The following CSMD1 variants were observed in gnomAD, a reference collection of about 807,000 sequenced individuals.
CSMD1 encodes the protein CUB and Sushi multiple domains 1, also known as CUB and sushi domain-containing protein 1.
A neutral mutation model predicts 417.5 loss-of-function variants in CSMD1; 213 were observed. The observed-to-expected ratio is 0.51, with a 90% confidence interval of 0.46 to 0.57. CSMD1 has a LOEUF of 0.57. Among genes scored for constraint, CSMD1 ranks in the 20% least tolerant of loss-of-function variants. The pLI, the probability that CSMD1 is intolerant of heterozygous loss-of-function variation, is 0.00. For missense variants in CSMD1, 6,923 were observed against 4,529.7 expected, an observed-to-expected ratio of 1.53 and a Z score of -15.17; for synonymous variants, 2,862 against 1,736.8, an observed-to-expected ratio of 1.65 and a Z score of -16.11.
intron 54 of CSMD1, 85 bp downstream of exon 54, chr8:2,997,926 T>G: frequency 7.5e-7 from 1 of 1,329,940 alleles, no homozygotes; most frequent in South Asian, 1.4e-5. Context: ...TACCCTTGAT[T>G]CATGGAGACA....
intron 3 of CSMD1, among the ~76,000 whole-genome samples, chr8:4,301,061 A>G (rs1298770366): frequency 6.6e-6 from 1 of 152,200 alleles, no homozygotes; most frequent in Non-Finnish European, 1.5e-5. Flanking sequence ...AAGGAGCCAA[A>G]TCAGGACTGT....
chr8:4,550,013 G>A (rs973503752), intron 2 of CSMD1, among the ~76,000 whole-genome samples: 2 of 150,966 alleles, frequency 1.3e-5, no homozygotes, highest in Non-Finnish European at 2.9e-5. Flanking sequence ...TCAAGGACAA[G>A]AGTGGAGGAG....
Position 4,710,560 on chromosome 8 carries a change from T to C in CSMD1, c.86-73002A>G, listed in dbSNP as rs367771175. 7.5e-4 allele frequency among the ~76,000 whole-genome samples: 113 copies of C among 150,374 alleles called. 2 individuals are homozygous for C. The South Asian group carries it at 0.023, about 30-fold the overall frequency. ...GGGGGTGGTTATTTAAAAAGAAAAA[T>C]GGCTTCTGGGTGCGGTGGCTCACGC... On this transcript the variant is annotated intron_variant, in intron 1 of 69. Coordinates refer to ENST00000635120, the MANE Select transcript of CSMD1 (RefSeq NM_033225.6).
intron 3 of CSMD1, among the ~76,000 whole-genome samples, chr8:4,336,063 T>C (rs1470200464): frequency 6.6e-6 from 1 of 152,108 alleles, no homozygotes; most frequent in Non-Finnish European, 1.5e-5. Flanking sequence ...TCAATAATGA[T>C]TAAGTTCCAC....
chr8:3,593,377 A>T (rs1292228072), intron 8 of CSMD1, among the ~76,000 whole-genome samples: 1 of 152,168 alleles, frequency 6.6e-6, no homozygotes, highest in African/African-American at 2.4e-5. Flanking sequence ...CCCGTGATGG[A>T]GAAGGTCAAG....
At chr8:3,282,738 G>C (rs1802834040) in intron 26 of CSMD1, among the ~76,000 whole-genome samples, 1 of 152,102 alleles carries the variant, frequency 6.6e-6, no homozygotes, top group Admixed American at 6.6e-5. Flanking sequence ...GTAAGAAATT[G>C]TGCAGACTAT....
intron 2 of CSMD1, among the ~76,000 whole-genome samples, chr8:4,463,954 C>A (rs536433567): frequency 6.6e-6 from 1 of 152,042 alleles, no homozygotes; most frequent in South Asian, 2.1e-4. Context: ...GAGAACAGAG[C>A]GCAATATGGG....
chr8:4,734,717 A>G (rs1810118042), intron 1 of CSMD1, among the ~76,000 whole-genome samples: 1 of 152,278 alleles, frequency 6.6e-6, no homozygotes, highest in East Asian at 1.9e-4. Flanking sequence ...AGATACATCT[A>G]TTGTTTTCAT....
At chr8:4,023,040 A>T (rs896849837) in intron 4 of CSMD1, among the ~76,000 whole-genome samples, 1 of 152,194 alleles carries the variant, frequency 6.6e-6, no homozygotes, top group African/African-American at 2.4e-5. Flanking sequence ...GAGCTCACAG[A>T]TGCTTCCATT....
intron 3 of CSMD1, among the ~76,000 whole-genome samples, chr8:4,078,519 C>G (rs1361376854): frequency 6.6e-6 from 1 of 151,818 alleles, no homozygotes; most frequent in Non-Finnish European, 1.5e-5. Context: ...CCACCTCGGC[C>G]TCCCAAAGTG....
At chr8:3,519,062 A>G (rs1312012747) in intron 10 of CSMD1, among the ~76,000 whole-genome samples, 3 of 152,154 alleles carry the variant, frequency 2.0e-5, no homozygotes, top group African/African-American at 7.2e-5. Context: ...TCCTCTTAAA[A>G]CCAGAGTTAA....
chr8:3,014,979 A>G (rs1181391886), intron 52 of CSMD1, among the ~76,000 whole-genome samples: 2 of 150,450 alleles, frequency 1.3e-5, no homozygotes, highest in East Asian at 1.9e-4. Flanking sequence ...AAGCTTCTTC[A>G]TGATGTGCTT....
chr8:4,861,856 A>G (rs1037609214), intron 1 of CSMD1, among the ~76,000 whole-genome samples: 1 of 152,142 alleles, frequency 6.6e-6, no homozygotes, highest in African/African-American at 2.4e-5. Context: ...AACAATGGTT[A>G]GTTCTCAAGA....
Position 3,844,382 on chromosome 8 carries a change from C to T in CSMD1, c.819-90340G>A, listed in dbSNP as rs1803348667. On this transcript the variant is annotated intron_variant, in intron 5 of 69. Coordinates refer to ENST00000635120, the MANE Select transcript of CSMD1 (RefSeq NM_033225.6). ...GTTCTATCTGGTAGACACACATACA[C>T]CTCACTCACCAACAAATTATTGACA... Among the ~76,000 whole-genome samples, 5 of 152,228 alleles carry T rather than the reference C, an allele frequency of 3.3e-5. No individual in the cohort carries two copies. In the South Asian group the frequency reaches 1.0e-3, roughly 32 times the overall value.
chr8:3,349,995 G>A (rs115119892), intron 21 of CSMD1, among the ~76,000 whole-genome samples: 31,542 of 141,010 alleles, frequency 0.22, 3,759 homozygotes, highest in African/African-American at 0.29. Flanking sequence ...ACTTGTGTAT[G>A]TGTTATAATA....
intron 3 of CSMD1, among the ~76,000 whole-genome samples, chr8:4,254,686 C>G (rs185338451): frequency 6.6e-6 from 1 of 152,092 alleles, no homozygotes; most frequent in Non-Finnish European, 1.5e-5. Context: ...CGTTTCACTC[C>G]ATATTTTTAC....
At chr8:3,525,117 T>C (rs1797701103) in intron 10 of CSMD1, among the ~76,000 whole-genome samples, 1 of 151,962 alleles carries the variant, frequency 6.6e-6, no homozygotes, top group Non-Finnish European at 1.5e-5. Flanking sequence ...GTTACACACA[T>C]AGAAGGCTCA....
chr8:4,186,935 G>T lies in CSMD1; in HGVS notation c.416-154836C>A, dbSNP rs565767022. 2.6e-5 allele frequency among the ~76,000 whole-genome samples: 4 copies of T among 152,162 alleles called. No homozygotes were observed. In the South Asian group the frequency reaches 8.3e-4, roughly 32 times the overall value. ...CACCTGAACCCACGAGGCAGAGATT[G>T]CAGTGAGCTGCACTCTAGCCTGGGT... is the stretch of plus-strand genomic sequence containing the variant. On this transcript the variant is annotated intron_variant, in intron 3 of 69. Coordinates refer to ENST00000635120, the MANE Select transcript of CSMD1 (RefSeq NM_033225.6).
chr8:4,752,602 G>C (rs956128761), intron 1 of CSMD1, among the ~76,000 whole-genome samples: 4 of 152,120 alleles, frequency 2.6e-5, no homozygotes, highest in Non-Finnish European at 5.9e-5. Flanking sequence ...TGAAATTCTA[G>C]AAAAATGTAG....
Sources: gnomAD v4.1 joint callset for allele counts (sites outside exome capture counted in the v4.1 genomes callset) on GRCh38, gnomAD v4.1.1 for gene constraint, MANE v1.5 for transcripts, NCBI Gene and HGNC (gene_info 2026-07-23, HGNC 2026-07-21) for gene names.